DAB1: variants seen among roughly 807,000 people sequenced by gnomAD.
DAB1 encodes disabled homolog 1.
In DAB1, 15 loss-of-function variants were observed where a neutral mutation model predicts 64.6. That is an observed-to-expected ratio of 0.23 (90% CI 0.16 to 0.36). DAB1 has a LOEUF of 0.36. DAB1 is among the 10% of genes least tolerant of loss of function. The probability of loss-of-function intolerance (pLI) is 1.00; values close to 1 mark genes in which losing one functional copy is unlikely to be tolerated. For synonymous variants in DAB1, 235 were observed against 251.9 expected, an observed-to-expected ratio of 0.93 and a Z score of 0.64; for missense variants, 596 against 706.7, an observed-to-expected ratio of 0.84 and a Z score of 1.78.
At chr1:58,455,970 T>A (rs541510932) in intron 3 of DAB1, among the ~76,000 whole-genome samples, 60 of 152,340 alleles carry the variant, frequency 3.9e-4, no homozygotes, top group Middle Eastern at 3.4e-3. Context: ...GGGCCCTGGC[T>A]CTACCTCCAC....
chr1:58,392,507 CT>C (rs1644483751), intron 3 of DAB1, among the ~76,000 whole-genome samples: 1 of 152,182 alleles, frequency 6.6e-6, no homozygotes, highest in African/African-American at 2.4e-5. Context: ...TATCCACTCT[CT>C]TTTCTGTCCT....
chr1:57,094,070 C>T (rs886702275), intron 4 of DAB1, among the ~76,000 whole-genome samples: 5 of 148,038 alleles, frequency 3.4e-5, no homozygotes, highest in Non-Finnish European at 4.4e-5. Context: ...GGTCATGCCA[C>T]TGCACTCCAG....
intron 4 of DAB1, among the ~76,000 whole-genome samples, chr1:58,336,794 A>G (rs190303269): frequency 1.1e-3 from 162 of 152,290 alleles, no homozygotes; most frequent in African/African-American, 3.6e-3. Context: ...GCATTAGCTC[A>G]TTGGCTCCAT....
chr1:58,202,085 A>G (rs916625644), intron 4 of DAB1, among the ~76,000 whole-genome samples: 1 of 152,230 alleles, frequency 6.6e-6, no homozygotes, highest in Non-Finnish European at 1.5e-5. Context: ...TAAACAAGTT[A>G]ATAAACATAA....
intron 3 of DAB1, among the ~76,000 whole-genome samples, chr1:58,388,346 G>A (rs1489956710): frequency 6.6e-6 from 1 of 152,180 alleles, no homozygotes; most frequent in African/African-American, 2.4e-5. Context: ...TCAGCCAATA[G>A]ATGTTAAGTA....
chr1:57,238,732 A>G (rs574540307), intron 2 of DAB1, among the ~76,000 whole-genome samples: 2 of 152,262 alleles, frequency 1.3e-5, no homozygotes, highest in African/African-American at 2.4e-5. Context: ...TAAGTGAACA[A>G]CAATCCATGT....
intron 1 of DAB1, among the ~76,000 whole-genome samples, chr1:57,417,062 G>GA (rs1284505297): frequency 6.6e-6 from 1 of 152,088 alleles, no homozygotes; most frequent in African/African-American, 2.4e-5. Context: ...GTTTGTTCTG[G>GA]AAAAATATAT....
chr1:57,814,998 G>A (rs1651787447), intron 6 of DAB1, among the ~76,000 whole-genome samples: 1 of 152,044 alleles, frequency 6.6e-6, no homozygotes, highest in South Asian at 2.1e-4. Flanking sequence ...CCATTTGTGG[G>A]TCTGGAAATT....
At position 58,490,763 on chromosome 1, in the gene DAB1, C is replaced by T. The variant is rs190408790; in HGVS notation, n.257+15297G>A. On this transcript the variant is annotated intron_variant and non_coding_transcript_variant, in intron 3 of 20. Coordinates refer to the DAB1 transcript ENST00000485760. ...GATCTCTCAGCAGAAACTCTACAAG[C>T]CAGAAGAGAGTGGGGGCCAATAGTC... Among the ~76,000 whole-genome samples the T allele has an allele frequency of 7.5e-3, 1,112 of 148,954 alleles. 12 individuals are homozygous for T. The highest frequency in any genetic ancestry group is 0.026 in the African/African-American group (1,033 of 40,402).
chr1:57,327,370 A>G (rs886064930), intron 1 of DAB1, among the ~76,000 whole-genome samples: 4 of 152,166 alleles, frequency 2.6e-5, no homozygotes, highest in African/African-American at 9.7e-5. Flanking sequence ...AGTCTCTACC[A>G]GATTTACTGC....
intron 7 of DAB1, among the ~76,000 whole-genome samples, chr1:57,453,962 T>A (rs1160366775): frequency 6.6e-6 from 1 of 152,200 alleles, no homozygotes; most frequent in African/African-American, 2.4e-5. Context: ...GAATCCCTGT[T>A]GAAGCAACCC....
At chr1:58,449,985 A>C (rs1443197271) in intron 3 of DAB1, among the ~76,000 whole-genome samples, 1 of 152,238 alleles carries the variant, frequency 6.6e-6, no homozygotes, top group Non-Finnish European at 1.5e-5. Flanking sequence ...GCAGGTATAT[A>C]ATAATGCATA....
chr1:57,557,429 C>T (rs1570624485), intron 7 of DAB1, among the ~76,000 whole-genome samples: 1 of 151,356 alleles, frequency 6.6e-6, no homozygotes. Context: ...TACACACACA[C>T]ATATATATAC....
chr1:58,523,209 C>T (rs1054664308), intron 2 of DAB1, among the ~76,000 whole-genome samples: 3 of 152,142 alleles, frequency 2.0e-5, no homozygotes, highest in African/African-American at 7.2e-5. Flanking sequence ...TATATTGAAA[C>T]CCTTCACTCC....
At chr1:58,212,942 A>G (rs1424864816) in intron 4 of DAB1, among the ~76,000 whole-genome samples, 1 of 152,154 alleles carries the variant, frequency 6.6e-6, no homozygotes, top group African/African-American at 2.4e-5. Context: ...GAAAACCTCA[A>G]CCCTTACTTG....
chr1:57,811,135 T>C (rs2101884563), intron 6 of DAB1, among the ~76,000 whole-genome samples: 1 of 152,332 alleles, frequency 6.6e-6, no homozygotes, highest in East Asian at 1.9e-4. Flanking sequence ...AGGATAATCT[T>C]CCTATTGTAA....
At chr1:57,721,939 C>T (rs1647156169) in intron 6 of DAB1, among the ~76,000 whole-genome samples, 2 of 152,232 alleles carry the variant, frequency 1.3e-5, no homozygotes, top group East Asian at 3.9e-4. Context: ...AGAGAAGATA[C>T]ATAACTTGTC....
chr1:57,157,909 CA>C (rs1230518298), intron 2 of DAB1, among the ~76,000 whole-genome samples: 1 of 152,162 alleles, frequency 6.6e-6, no homozygotes, highest in Non-Finnish European at 1.5e-5. Flanking sequence ...GCAACACATT[CA>C]GAGAAGGAGG....
At chr1:57,185,000 T>G (rs1663383757) in intron 2 of DAB1, among the ~76,000 whole-genome samples, 1 of 152,098 alleles carries the variant, frequency 6.6e-6, no homozygotes, top group Non-Finnish European at 1.5e-5. Flanking sequence ...TCACTGACTC[T>G]CATCCTGAGA....
Sources: gnomAD v4.1 joint callset for allele counts (sites outside exome capture counted in the v4.1 genomes callset) on GRCh38, gnomAD v4.1.1 for gene constraint, MANE v1.5 for transcripts, NCBI Gene and HGNC (gene_info 2026-07-23, HGNC 2026-07-21) for gene names.